OSBPL2: variants seen among roughly 807,000 people sequenced by gnomAD.
The protein encoded by OSBPL2 is oxysterol-binding protein-related protein 2.
In OSBPL2, 18 loss-of-function variants were observed where a neutral mutation model predicts 58.4. That is an observed-to-expected ratio of 0.31 (90% CI 0.21 to 0.46). The LOEUF is 0.46. Ranked by LOEUF, OSBPL2 falls within the 20% of genes least tolerant of loss-of-function variation. The probability of loss-of-function intolerance (pLI) is 1.00; values close to 1 mark genes in which losing one functional copy is unlikely to be tolerated. For synonymous variants in OSBPL2, 221 were observed against 234.1 expected, an observed-to-expected ratio of 0.94 and a Z score of 0.51; for missense variants, 461 against 616.5, an observed-to-expected ratio of 0.75 and a Z score of 2.67.
chr20:62,282,890 C>T (rs968075846), intron 9 of OSBPL2, among the ~76,000 whole-genome samples: 1 of 152,198 alleles, frequency 6.6e-6, no homozygotes, highest in African/African-American at 2.4e-5. Flanking sequence ...GAAATGCACC[C>T]GTTTGAACAG....
At chr20:62,270,129 G>A (rs543243732) in intron 4 of OSBPL2, among the ~76,000 whole-genome samples, 3 of 152,310 alleles carry the variant, frequency 2.0e-5, no homozygotes, top group South Asian at 2.1e-4. Context: ...CCCACCCTCC[G>A]TCCACCCTGC....
At chr20:62,286,789 C>A in intron 11 of OSBPL2, 78 bp downstream of exon 11, 2 of 1,514,324 alleles carry the variant, frequency 1.3e-6, no homozygotes, top group Non-Finnish European at 8.9e-7. Context: ...ACGGCTCTTC[C>A]CTGTCCTTGG....
rs371646743 is a variant in OSBPL2 at position 62,246,131 on chromosome 20, G to C, written c.-129+7534G>C. ...GGGGCTGGCAAAGCCCTCTGCTCTC[G>C]CTGCTGCCGCCGCCTCCATCTTCCT... On this transcript the variant is annotated intron_variant, in intron 1 of 13. Coordinates refer to ENST00000313733, the MANE Select transcript of OSBPL2 (RefSeq NM_144498.4). Among the ~76,000 whole-genome samples the C allele has an allele frequency of 1.6e-4, 25 of 152,378 alleles. 1 individual carries two copies. In the South Asian group the frequency reaches 3.1e-3, roughly 19 times the overall value.
At chr20:62,280,579 A>G (rs553714130) in intron 7 of OSBPL2, among the ~76,000 whole-genome samples, 1 of 152,268 alleles carries the variant, frequency 6.6e-6, no homozygotes, top group Admixed American at 6.5e-5. Flanking sequence ...GCTGCCTCAC[A>G]TTGGTGGGGT....
chr20:62,264,215 C>T (rs535901474), intron 4 of OSBPL2, among the ~76,000 whole-genome samples: 1 of 152,314 alleles, frequency 6.6e-6, no homozygotes, highest in Non-Finnish European at 1.5e-5. Context: ...AAGCACCCAT[C>T]CAGCCCTGTG....
At chr20:62,281,910 C>T (rs779157943) in intron 9 of OSBPL2, 31 bp downstream of exon 9, 1 of 1,445,396 alleles carries the variant, frequency 6.9e-7, no homozygotes, top group East Asian at 2.3e-5. Context: ...CATGGGGCAC[C>T]ACTACAGCCT....
In OSBPL2 at chr20:62,288,666, G is replaced by A. The variant is rs1305333164; in HGVS notation, c.1126-541G>A. ...TCGGGTGTGCTGTCCACAAGACGCC[G>A]AGCAGACAGCTGCGAGCCAGAAGTC... On this transcript the variant is annotated intron_variant, in intron 11 of 13. Transcript: ENST00000313733. This position sits in a 1 kb window ranked among gnomAD's most constrained non-coding sequence, Gnocchi z 4.8. Among the ~76,000 whole-genome samples the A allele has an allele frequency of 1.3e-5, 2 of 152,146 alleles. No homozygotes were observed. The highest frequency in any genetic ancestry group is 2.9e-5 in the Non-Finnish European group (2 of 68,008).
intron 4 of OSBPL2, among the ~76,000 whole-genome samples, chr20:62,266,955 T>A (rs990768195): frequency 6.6e-6 from 1 of 152,222 alleles, no homozygotes; most frequent in African/African-American, 2.4e-5. Flanking sequence ...TTCTCTGAAT[T>A]TAAAAGCTGT....
chr20:62,243,859 A>AC (rs1418988385), intron 1 of OSBPL2, among the ~76,000 whole-genome samples: 2 of 10,054 alleles, frequency 2.0e-4, no homozygotes, highest in African/African-American at 4.6e-4. Context: ...TTAATTAAAA[A>AC]AAAATTTTTT....
Position 62,272,130 on chromosome 20 carries a change from G to A in OSBPL2, c.264G>A (p.Leu88=). The part of the protein sequence containing the change: ...TILKKCVGLE[L]SKITMPIAFN... ...AGTCTTCCCCATCTTTCCAGGAGCT[G>A]TCCAAGATCACGATGCCAATCGCCT... Residue 88 remains leucine (L), a synonymous_variant, in exon 5 of 14, where the codon CTG becomes CTA. Transcript: ENST00000313733. The A allele has an allele frequency of 6.2e-7, 1 of 1,613,810 alleles. No individual in the cohort carries two copies. Among genetic ancestry groups the A allele is most frequent in the East Asian group, 2.2e-5 (1 of 44,868 alleles).
chr20:62,244,849 C>T (rs1188400373), intron 1 of OSBPL2, among the ~76,000 whole-genome samples: 2 of 152,240 alleles, frequency 1.3e-5, no homozygotes, highest in Admixed American at 6.5e-5. Flanking sequence ...CCTTTGCCTG[C>T]CTCTCAAGGT....
chr20:62,248,994 G>A (rs1249568173), intron 1 of OSBPL2, among the ~76,000 whole-genome samples: 1 of 152,132 alleles, frequency 6.6e-6, no homozygotes, highest in Non-Finnish European at 1.5e-5. Flanking sequence ...CACCGTGCAG[G>A]GCCCACATCT....
chr20:62,254,820 A>G (rs879458402), intron 1 of OSBPL2, among the ~76,000 whole-genome samples: 7 of 152,246 alleles, frequency 4.6e-5, no homozygotes, highest in African/African-American at 1.4e-4. Flanking sequence ...TGAGTTCTAG[A>G]ATATTGAGCT....
At chr20:62,285,422 CT>C (rs1423425103) in intron 10 of OSBPL2, 2 of 152,192 alleles carry the variant, frequency 1.3e-5, no homozygotes, top group Admixed American at 6.5e-5. Flanking sequence ...AAGCCCTGGG[CT>C]TTGACTCGCT....
rs537197221 is a variant in OSBPL2, at chr20:62,287,264, C to T, written c.1125+553C>T. Among the ~76,000 whole-genome samples the T allele has an allele frequency of 5.3e-5, 8 of 152,166 alleles. No individual in the cohort carries two copies. In the East Asian group the frequency reaches 7.7e-4, roughly 15 times the overall value. ...ATATGGTTATATGATAAATATCACA[C>T]GTAATATCTTAGTATTTTTTATAAA... On this transcript the variant is annotated intron_variant, in intron 11 of 13. Transcript: ENST00000313733.
chr20:62,263,013 G>T (rs1353727887), intron 3 of OSBPL2, among the ~76,000 whole-genome samples: 1 of 152,180 alleles, frequency 6.6e-6, no homozygotes. Context: ...TCTCATTCCA[G>T]CTCCACGTTC....
intron 1 of OSBPL2, among the ~76,000 whole-genome samples, chr20:62,251,937 A>G: frequency 8.4e-6 from 1 of 119,362 alleles, no homozygotes; most frequent in East Asian, 2.6e-4. Flanking sequence ...GCTAGAGTGC[A>G]GTGATGCAAC....
chr20:62,252,855 G>C (rs1037641349), intron 1 of OSBPL2, among the ~76,000 whole-genome samples: 1 of 152,222 alleles, frequency 6.6e-6, no homozygotes, highest in Non-Finnish European at 1.5e-5. Flanking sequence ...CTTTAAAGAA[G>C]CAGATCTCAT....
chr20:62,275,521 C>T (rs1982332289), intron 6 of OSBPL2, among the ~76,000 whole-genome samples: 1 of 152,084 alleles, frequency 6.6e-6, no homozygotes, highest in Admixed American at 6.6e-5. Flanking sequence ...GATCACAGCT[C>T]ACTGTAGCCT....
Sources: gnomAD v4.1 joint callset for allele counts (sites outside exome capture counted in the v4.1 genomes callset) on GRCh38, gnomAD v4.1.1 for gene constraint, Gnocchi (gnomAD v3.1) non-coding constraint, MANE v1.5 for transcripts, NCBI Gene and HGNC (gene_info 2026-07-23, HGNC 2026-07-21) for gene names.